The following PTPN4 variants were observed in gnomAD, a reference collection of about 807,000 sequenced individuals.
The protein encoded by PTPN4 is tyrosine-protein phosphatase non-receptor type 4.
A neutral mutation model predicts 135.5 loss-of-function variants in PTPN4; 49 were observed. That is an observed-to-expected ratio of 0.36 (90% CI 0.29 to 0.46). The LOEUF (loss-of-function observed/expected upper bound fraction) is 0.46, where lower values mean the gene tolerates loss of function less well. Among genes scored for constraint, PTPN4 ranks in the 20% least tolerant of loss-of-function variants. PTPN4 has a pLI of 1.00. For synonymous variants in PTPN4, 333 were observed against 369.9 expected, an observed-to-expected ratio of 0.90 and a Z score of 1.14; for missense variants, 860 against 1,101.0, an observed-to-expected ratio of 0.78 and a Z score of 3.10.
intron 20 of PTPN4, 138 bp downstream of exon 20, chr2:119,955,461 C>A: frequency 1.3e-6 from 1 of 756,794 alleles, no homozygotes; most frequent in Non-Finnish European, 1.8e-6. Flanking sequence ...ATAAAGAGTT[C>A]TAAAATGCCA....
Position 119,882,602 on chromosome 2 carries a change from C to G in PTPN4, c.566C>G (p.Ala189Gly), listed in dbSNP as rs767623727. Residue 189 changes from alanine to glycine, a missense_variant, in exon 8 of 27, where the codon GCA (alanine) becomes GGA (glycine). Physicochemically the swap from Ala to Gly is moderately conservative, Grantham distance 60. Coordinates refer to ENST00000263708, the MANE Select transcript of PTPN4 (RefSeq NM_002830.4). ...CCTCAAGATTTTGAAAAAGAAATTG[C>G]AAAATTACATCAGCAACACATGTAA... is the stretch of plus-strand genomic sequence containing the variant. ...NQPQDFEKEI[A>G]KLHQQHIGLS... 2 of 1,547,524 alleles carry G rather than the reference C, an allele frequency of 1.3e-6. No homozygotes were observed. The highest frequency in any genetic ancestry group is 2.8e-5 in the African/African-American group (2 of 72,366).
Position 119,896,511 on chromosome 2 carries a change from G to C in PTPN4, c.676-4207G>C, listed in dbSNP as rs138302214. Among the ~76,000 whole-genome samples the C allele has an allele frequency of 3.2e-3, 485 of 152,264 alleles. 2 individuals carry two copies. The highest frequency in any genetic ancestry group is 0.01 in the Middle Eastern group (3 of 294). On this transcript the variant is annotated intron_variant, in intron 9 of 26. Transcript: ENST00000263708. Reference sequence around the variant, plus strand: ...AATCTAGCAGCATGTTCAGATTCAAGATTGATGTCTGTTATGTTCTTTTTT... The same window carrying C: ...AATCTAGCAGCATGTTCAGATTCAACATTGATGTCTGTTATGTTCTTTTTT...
intron 10 of PTPN4, among the ~76,000 whole-genome samples, chr2:119,904,789 C>T (rs762298982): frequency 2.2e-4 from 33 of 152,198 alleles, no homozygotes; most frequent in Admixed American, 5.9e-4. Context: ...GGATACATCA[C>T]CCAAGCAAAT....
intron 2 of PTPN4, among the ~76,000 whole-genome samples, chr2:119,835,993 C>G (rs935014399): frequency 1.3e-5 from 2 of 151,278 alleles, no homozygotes; most frequent in African/African-American, 2.4e-5. Flanking sequence ...GGTGTGAATC[C>G]GGGAGGCGGA....
chr2:119,764,427 AAT>A (rs1295525332), intron 1 of PTPN4, among the ~76,000 whole-genome samples: 2 of 152,192 alleles, frequency 1.3e-5, no homozygotes, highest in African/African-American at 4.8e-5. Flanking sequence ...TTAAAAAGAA[AAT>A]AGTCTTGTTT....
intron 26 of PTPN4, among the ~76,000 whole-genome samples, chr2:119,968,791 C>CA (rs1021013181): frequency 2.4e-4 from 36 of 149,062 alleles, no homozygotes; most frequent in East Asian, 1.6e-3. Flanking sequence ...GACTCAGTCT[C>CA]AAAAAAAAAG....
intron 9 of PTPN4, among the ~76,000 whole-genome samples, chr2:119,897,529 A>T (rs1457781589): frequency 6.6e-6 from 1 of 152,212 alleles, no homozygotes; most frequent in African/African-American, 2.4e-5. Flanking sequence ...TACAATTCAC[A>T]TATCCTATAA....
intron 1 of PTPN4, among the ~76,000 whole-genome samples, chr2:119,796,395 GCTGT>G (rs1347488543): frequency 2.6e-5 from 4 of 152,214 alleles, no homozygotes; most frequent in East Asian, 1.9e-4. Flanking sequence ...CTGCTGGTCT[GCTGT>G]CTATCACCAT....
chr2:119,818,799 G>A (rs1285338353), intron 2 of PTPN4, among the ~76,000 whole-genome samples: 2 of 152,154 alleles, frequency 1.3e-5, no homozygotes, highest in South Asian at 2.1e-4. Flanking sequence ...TTTAAGATAG[G>A]TCTGTTTCAC....
At chr2:119,827,885 T>C (rs112203772) in intron 2 of PTPN4, among the ~76,000 whole-genome samples, 2 of 152,324 alleles carry the variant, frequency 1.3e-5, no homozygotes, top group African/African-American at 4.8e-5. Flanking sequence ...ATACTTCATT[T>C]ATGGTAGCTA....
intron 2 of PTPN4, among the ~76,000 whole-genome samples, chr2:119,837,133 T>G (rs1677306823): frequency 6.6e-6 from 1 of 152,142 alleles, no homozygotes; most frequent in Non-Finnish European, 1.5e-5. Context: ...AAAGTGCTTT[T>G]TCTGGGCCCA....
rs1679292711 is a variant in PTPN4 at position 119,956,716 on chromosome 2, C to T, written c.1981-128C>T. 2.0e-5 allele frequency: 30 copies of T among 1,473,950 alleles called. No homozygotes were observed. In the South Asian group the frequency reaches 3.3e-4, roughly 16 times the overall value. 91.3% of individuals were successfully genotyped at this position (1,473,950 alleles called of 1,614,324 possible). ...AGTACTCTACTAGACTATGGTATAT[C>T]ATTGTATAGATGACCTATTCAAAGG... On this transcript the variant is annotated intron_variant, in intron 20 of 26. Transcript: ENST00000263708.
intron 1 of PTPN4, among the ~76,000 whole-genome samples, chr2:119,775,570 T>C (rs1690820412): frequency 6.6e-6 from 1 of 152,184 alleles, no homozygotes; most frequent in South Asian, 2.1e-4. Context: ...TCATTACACA[T>C]GATACTCTAT....
chr2:119,865,738 A>G (rs1332451667), intron 3 of PTPN4, among the ~76,000 whole-genome samples: 1 of 152,112 alleles, frequency 6.6e-6, no homozygotes, highest in Non-Finnish European at 1.5e-5. Flanking sequence ...TATGTTACAT[A>G]TACATATGCA....
Position 119,965,585 on chromosome 2 carries a change from T to C in PTPN4, c.2498T>C (p.Phe833Ser). The C allele has an allele frequency of 6.2e-7, 1 of 1,614,120 alleles. No homozygotes were observed. Among genetic ancestry groups the C allele is most frequent in the Non-Finnish European group, 8.5e-7 (1 of 1,179,980 alleles). The part of the protein sequence containing the change: ...VPDDSSDFLD[F>S]VCHVRNKRAG... ...GATGATTCGAGTGACTTTCTAGATT[T>C]TGTTTGTCATGTACGAAACAAGAGG... The change falls in exon 25 of 27, where the codon TTT becomes TCT. Residue 833 changes from phenylalanine (F) to serine (S), a missense_variant. By Grantham distance (155) the Phe-to-Ser change is radical. Coordinates refer to ENST00000263708, the MANE Select transcript of PTPN4 (RefSeq NM_002830.4).
At chr2:119,932,221 T>G (rs542268060) in intron 13 of PTPN4, 1 of 390,626 alleles carries the variant, frequency 2.6e-6, no homozygotes, top group South Asian at 4.5e-5. Flanking sequence ...TAGCCTGTCT[T>G]ACCTTTATTC....
At chr2:119,929,849 T>G (rs569770036) in intron 13 of PTPN4, among the ~76,000 whole-genome samples, 3 of 152,268 alleles carry the variant, frequency 2.0e-5, no homozygotes, top group South Asian at 2.1e-4. Context: ...TGCTGGAATT[T>G]TTTTTCTTCA....
intron 1 of PTPN4, among the ~76,000 whole-genome samples, chr2:119,779,024 T>C (rs1017321986): frequency 2.0e-5 from 3 of 152,166 alleles, no homozygotes; most frequent in African/African-American, 7.2e-5. Context: ...AGAGAGAAAT[T>C]TTAGAGCAAA....
intron 10 of PTPN4, among the ~76,000 whole-genome samples, chr2:119,914,728 A>T (rs891604924): frequency 2.0e-5 from 3 of 152,164 alleles, no homozygotes; most frequent in African/African-American, 7.2e-5. Flanking sequence ...TGATTGTACT[A>T]ATAAGGCTTT....
Sources: allele counts gnomAD v4.1 joint callset (sites outside exome capture counted in the v4.1 genomes callset), GRCh38; gene constraint gnomAD v4.1.1; transcripts MANE v1.5; gene names NCBI Gene and HGNC (gene_info 2026-07-23, HGNC 2026-07-21).